KCNMA1: variants seen among roughly 807,000 people sequenced by gnomAD.
KCNMA1 encodes the protein Calcium-activated potassium channel subunit alpha-1.
In KCNMA1, 29 loss-of-function variants were observed where a neutral mutation model predicts 140.0. That is an observed-to-expected ratio of 0.21 (90% CI 0.15 to 0.28). The LOEUF is 0.28. Among genes scored for constraint, KCNMA1 ranks in the 10% least tolerant of loss-of-function variants. The pLI is 1.00. For synonymous variants in KCNMA1, 612 were observed against 611.9 expected, an observed-to-expected ratio of 1.00 and a Z score of 0.00; for missense variants, 880 against 1,602.2, an observed-to-expected ratio of 0.55 and a Z score of 7.70.
chr10:77,556,502 C>CAAAAAAA (rs11446237), intron 1 of KCNMA1, among the ~76,000 whole-genome samples: 1 of 68,888 alleles, frequency 1.5e-5, no homozygotes, highest in Admixed American at 2.1e-4. Context: ...GGGACTATCT[C>CAAAAAAA]AAAAAAAAAA....
chr10:77,362,295 C>T (rs554178129), intron 2 of KCNMA1, among the ~76,000 whole-genome samples: 156 of 151,864 alleles, frequency 1.0e-3, no homozygotes, highest in Non-Finnish European at 1.8e-3. Flanking sequence ...CCCCAGGACA[C>T]ATCCTTAAGA....
rs527727691 is a variant in KCNMA1, at chr10:77,032,783, CCCAGA to C, written c.1860-4897_1860-4893del. Reference sequence around the variant, plus strand: ...CATCTGTTAACTACAGTAGTTTCAACCCAGATGTTCCTGAACAAAGGCTCTTAAGA... The same window carrying C: ...CATCTGTTAACTACAGTAGTTTCAACTGTTCCTGAACAAAGGCTCTTAAGA... On this transcript the variant is annotated intron_variant, in intron 15 of 27. Transcript: ENST00000286628. Among the ~76,000 whole-genome samples, 152 of 151,878 alleles carry C rather than the reference CCCAGA, an allele frequency of 1.0e-3. No homozygotes were observed. In the Middle Eastern group the frequency reaches 0.01, roughly 10 times the overall value.
At chr10:77,558,286 A>G (rs1243846764) in intron 1 of KCNMA1, among the ~76,000 whole-genome samples, 2 of 152,342 alleles carry the variant, frequency 1.3e-5, no homozygotes, top group African/African-American at 4.8e-5. Flanking sequence ...ATACCCTGGC[A>G]GCATCTCCCT....
intron 19 of KCNMA1, among the ~76,000 whole-genome samples, chr10:76,997,369 T>C (rs193188991): frequency 6.6e-6 from 1 of 152,366 alleles, no homozygotes; most frequent in East Asian, 1.9e-4. Flanking sequence ...AATTGAAAGG[T>C]TGGTGTGAGC....
At chr10:77,362,644 C>T (rs764591083) in intron 2 of KCNMA1, among the ~76,000 whole-genome samples, 1 of 152,090 alleles carries the variant, frequency 6.6e-6, no homozygotes, top group Non-Finnish European at 1.5e-5. Flanking sequence ...CTGCCTCAGA[C>T]CCCGCCGTCC....
chr10:77,138,430 T>TTTTAATTC (rs1362942717), intron 5 of KCNMA1, among the ~76,000 whole-genome samples: 4 of 152,126 alleles, frequency 2.6e-5, no homozygotes, highest in Non-Finnish European at 4.4e-5. Context: ...GGTCTGACTT[T>TTTTAATTC]ACATCTTAAA....
intron 11 of KCNMA1, among the ~76,000 whole-genome samples, 200 bp from the exon 12 acceptor site, chr10:77,084,919 G>A (rs1402326587): frequency 1.3e-5 from 2 of 152,008 alleles, no homozygotes; most frequent in Non-Finnish European, 2.9e-5. Flanking sequence ...TCATCTTGTT[G>A]CTGTTGGAGG....
intron 20 of KCNMA1, 48 bp from the exon 21 acceptor site, chr10:76,953,972 A>G (rs373635885): frequency 1.2e-6 from 2 of 1,603,972 alleles, no homozygotes; most frequent in African/African-American, 1.3e-5. Context: ...GTGATAAATT[A>G]TAAATGGAAA....
chr10:77,369,844 A>C (rs1244484277), intron 2 of KCNMA1, among the ~76,000 whole-genome samples: 1 of 152,230 alleles, frequency 6.6e-6, no homozygotes, highest in Admixed American at 6.5e-5. Flanking sequence ...ATGACTCAAA[A>C]ATACTTGCTT....
At chr10:76,948,754 T>C (rs1225323320) in intron 22 of KCNMA1, among the ~76,000 whole-genome samples, 1 of 152,234 alleles carries the variant, frequency 6.6e-6, no homozygotes, top group African/African-American at 2.4e-5. Context: ...CAGATCAATG[T>C]TTCTTCAAGC....
At chr10:77,477,970 C>A (rs776942028) in intron 1 of KCNMA1, among the ~76,000 whole-genome samples, 7 of 152,136 alleles carry the variant, frequency 4.6e-5, no homozygotes, top group African/African-American at 9.7e-5. Flanking sequence ...GGATCCCGGG[C>A]ACTGCCACAC....
At chr10:77,085,997 C>T (rs776352861) in intron 11 of KCNMA1, among the ~76,000 whole-genome samples, 4 of 152,174 alleles carry the variant, frequency 2.6e-5, no homozygotes, top group Non-Finnish European at 4.4e-5. Flanking sequence ...TTTAGTTTTA[C>T]ACCCTGCGTC....
chr10:77,571,530 G>A (rs567109692), intron 1 of KCNMA1, among the ~76,000 whole-genome samples: 7 of 152,154 alleles, frequency 4.6e-5, no homozygotes, highest in Non-Finnish European at 8.8e-5. Flanking sequence ...CCATCCTTTG[G>A]CAAGCCAAAG....
intron 27 of KCNMA1, among the ~76,000 whole-genome samples, chr10:76,888,924 T>C (rs1264927510): frequency 6.6e-6 from 1 of 151,988 alleles, no homozygotes; most frequent in Non-Finnish European, 1.5e-5. Context: ...CTGGGTGTGG[T>C]GGTGTGTGCC....
chr10:77,172,347 C>T (rs2098715150), intron 5 of KCNMA1, among the ~76,000 whole-genome samples: 1 of 152,124 alleles, frequency 6.6e-6, no homozygotes, highest in African/African-American at 2.4e-5. Flanking sequence ...TCCAATTTGG[C>T]ATATAACAGA....
intron 1 of KCNMA1, among the ~76,000 whole-genome samples, chr10:77,464,390 T>C (rs1273484046): frequency 6.6e-6 from 1 of 152,114 alleles, no homozygotes; most frequent in Non-Finnish European, 1.5e-5. Context: ...GAGATGATCC[T>C]TGAAGGACAC....
intron 1 of KCNMA1, among the ~76,000 whole-genome samples, chr10:77,512,073 C>T (rs2048598101): frequency 6.6e-6 from 1 of 152,230 alleles, no homozygotes; most frequent in African/African-American, 2.4e-5. Context: ...TGTATGTTAT[C>T]CGGGCATGAA....
intron 9 of KCNMA1, among the ~76,000 whole-genome samples, chr10:77,106,799 C>T (rs1055413733): frequency 1.3e-5 from 2 of 152,146 alleles, no homozygotes; most frequent in African/African-American, 2.4e-5. Flanking sequence ...AATCTTTGGA[C>T]TTACTTGGCC....
chr10:77,257,179 T>C (rs1418579436), intron 2 of KCNMA1, among the ~76,000 whole-genome samples: 1 of 152,208 alleles, frequency 6.6e-6, no homozygotes, highest in African/African-American at 2.4e-5. Context: ...CATTTTGTTT[T>C]TTGAGAGATA....
Sources: gnomAD v4.1 joint callset for allele counts (sites outside exome capture counted in the v4.1 genomes callset) on GRCh38, gnomAD v4.1.1 for gene constraint, MANE v1.5 for transcripts, NCBI Gene and HGNC (gene_info 2026-07-23, HGNC 2026-07-21) for gene names.